The following NR6A1 variants were observed in gnomAD, a reference collection of about 807,000 sequenced individuals.
The protein encoded by NR6A1 is retinoic acid receptor-related testis-associated receptor.
NR6A1 carries 7 observed loss-of-function variants against 59.1 expected under a neutral mutation model. The observed-to-expected ratio is 0.12, with a 90% CI of 0.07 to 0.22. The LOEUF (loss-of-function observed/expected upper bound fraction) is 0.22, where lower values mean the gene tolerates loss of function less well. Among genes scored for constraint, NR6A1 ranks in the 10% least tolerant of loss-of-function variants. NR6A1 has a pLI of 1.00. For synonymous variants in NR6A1, 243 were observed against 236.1 expected (o/e 1.03, Z -0.27); for missense variants, 468 against 611.6 (o/e 0.77, Z 2.48).
chr9:124,554,694 G>A, intron 2 of NR6A1, 124 bp from the exon 3 acceptor site: 1 of 1,253,382 alleles, frequency 8.0e-7, no homozygotes, highest in Non-Finnish European at 1.1e-6. Flanking sequence ...GGCAAACAGG[G>A]GGCCCATCTT....
intron 2 of NR6A1, among the ~76,000 whole-genome samples, chr9:124,660,059 G>C (rs1052193774): frequency 2.6e-5 from 4 of 152,072 alleles, no homozygotes; most frequent in Admixed American, 1.3e-4. Flanking sequence ...TATTTTAAAG[G>C]GTTGTTTTCT....
intron 2 of NR6A1, among the ~76,000 whole-genome samples, chr9:124,576,423 G>C (rs1446502195): frequency 6.6e-6 from 1 of 152,144 alleles, no homozygotes; most frequent in Non-Finnish European, 1.5e-5. Context: ...GAGTAGCTGG[G>C]ACTACAGGCG....
At chr9:124,717,822 C>T (rs1839447808) in intron 2 of NR6A1, among the ~76,000 whole-genome samples, 1 of 152,192 alleles carries the variant, frequency 6.6e-6, no homozygotes, top group Non-Finnish European at 1.5e-5. Context: ...CTGTCAGTTT[C>T]CTCATCTGTA....
intron 2 of NR6A1, among the ~76,000 whole-genome samples, chr9:124,656,763 C>A (rs1345294016): frequency 2.0e-5 from 3 of 152,080 alleles, no homozygotes. Context: ...ACCCAGGAGG[C>A]GGAAGTTGCA....
At chr9:124,649,101 A>T (rs2130917569) in intron 2 of NR6A1, among the ~76,000 whole-genome samples, 1 of 152,138 alleles carries the variant, frequency 6.6e-6, no homozygotes, top group East Asian at 1.9e-4. Flanking sequence ...AAATCCTAAA[A>T]TTCATATGAA....
At chr9:124,673,580 A>G (rs953781102) in intron 2 of NR6A1, among the ~76,000 whole-genome samples, 5 of 152,178 alleles carry the variant, frequency 3.3e-5, no homozygotes, top group Admixed American at 2.6e-4. Context: ...ATGCTTAAAA[A>G]TGCCCCACTA....
intron 3 of NR6A1, among the ~76,000 whole-genome samples, chr9:124,551,210 G>C (rs1247763441): frequency 1.3e-5 from 2 of 152,072 alleles, no homozygotes; most frequent in Non-Finnish European, 1.5e-5. Flanking sequence ...TGTACTCATT[G>C]CTCCTGGGGT....
intron 2 of NR6A1, among the ~76,000 whole-genome samples, chr9:124,634,826 AAGAG>A (rs373861950): frequency 1.8e-4 from 27 of 151,576 alleles, no homozygotes; most frequent in East Asian, 3.9e-4. Flanking sequence ...TCTCAAAAAA[AAGAG>A]AGAGAGAGAG....
At chr9:124,745,080 A>T (rs1370931157) in intron 1 of NR6A1, among the ~76,000 whole-genome samples, 2 of 152,210 alleles carry the variant, frequency 1.3e-5, no homozygotes, top group Non-Finnish European at 2.9e-5. Context: ...ACTCGAGGCC[A>T]TCTAAAAATT....
At chr9:124,729,210 T>C (rs1294048663) in intron 2 of NR6A1, among the ~76,000 whole-genome samples, 1 of 152,146 alleles carries the variant, frequency 6.6e-6, no homozygotes, top group African/African-American at 2.4e-5. Context: ...AGGTCACGTA[T>C]TTGGAAATTT....
chr9:124,678,911 G>A (rs1838040752), intron 2 of NR6A1, among the ~76,000 whole-genome samples: 1 of 152,104 alleles, frequency 6.6e-6, no homozygotes, highest in Non-Finnish European at 1.5e-5. Context: ...AAGTTATGCT[G>A]AGGGCATTCT....
intron 2 of NR6A1, among the ~76,000 whole-genome samples, chr9:124,724,497 A>T (rs1409266268): frequency 1.3e-5 from 2 of 151,776 alleles, no homozygotes; most frequent in Non-Finnish European, 2.9e-5. Context: ...TTTCCTTGGG[A>T]TTATATCCTT....
intron 2 of NR6A1, among the ~76,000 whole-genome samples, chr9:124,670,149 G>A (rs1415924653): frequency 6.6e-6 from 1 of 151,412 alleles, no homozygotes; most frequent in Non-Finnish European, 1.5e-5. Flanking sequence ...GGAAACTGAG[G>A]CAGGAGGACT....
At chr9:124,664,551 A>G (rs1303611970) in intron 2 of NR6A1, among the ~76,000 whole-genome samples, 2 of 152,184 alleles carry the variant, frequency 1.3e-5, no homozygotes, top group African/African-American at 4.8e-5. Context: ...CACCACCACA[A>G]AATGTTTTAC....
In NR6A1 at chr9:124,771,066, C is replaced by T. The variant is rs1364031584; in HGVS notation, c.54G>A (p.Ala18=). ...PSGGGGGGGS[A]GFLEPPAALP... ...GCGCGGCGGGAGGCTCCAGGAACCCCGCCGAGCCCCCGCCGCCTCCCCCTC... is the reference window on the plus strand; with the variant it reads ...GCGCGGCGGGAGGCTCCAGGAACCCTGCCGAGCCCCCGCCGCCTCCCCCTC... The change falls in exon 1 of 10, where the codon GCG becomes GCA. Residue 18 remains alanine (A), a synonymous_variant. Transcript: ENST00000487099. The T allele has an allele frequency of 8.1e-7, 1 of 1,230,632 alleles. No individual in the cohort carries two copies. Among genetic ancestry groups the T allele is most frequent in the Non-Finnish European group, 1.0e-6 (1 of 987,236 alleles). The allele number at this position is 1,230,632 out of a possible 1,614,324, so 76.2% of individuals were successfully genotyped here.
At chr9:124,657,816 T>A (rs775059581) in intron 2 of NR6A1, among the ~76,000 whole-genome samples, 3 of 151,742 alleles carry the variant, frequency 2.0e-5, no homozygotes, top group Admixed American at 6.6e-5. Flanking sequence ...TAAAAAGACA[T>A]AAAGCTTCTT....
intron 2 of NR6A1, among the ~76,000 whole-genome samples, chr9:124,712,512 G>A (rs557146974): frequency 1.3e-5 from 2 of 151,992 alleles, no homozygotes; most frequent in South Asian, 4.2e-4. Flanking sequence ...GGAGGCTAAG[G>A]CACAAGAATC....
intron 2 of NR6A1, among the ~76,000 whole-genome samples, chr9:124,597,915 T>G (rs1460043328): frequency 6.6e-6 from 1 of 152,132 alleles, no homozygotes; most frequent in Non-Finnish European, 1.5e-5. Context: ...CAATCATGGC[T>G]CACTGCAGCC....
chr9:124,586,864 T>C (rs139489429), intron 2 of NR6A1, among the ~76,000 whole-genome samples: 112 of 152,356 alleles, frequency 7.4e-4, no homozygotes, highest in Non-Finnish European at 1.1e-3. Context: ...ACAAAAGATT[T>C]AGAATATTAC....
Sources: allele counts gnomAD v4.1 joint callset (sites outside exome capture counted in the v4.1 genomes callset), GRCh38; gene constraint gnomAD v4.1.1; transcripts MANE v1.5; gene names NCBI Gene and HGNC (gene_info 2026-07-23, HGNC 2026-07-21).